The following F13A1 variants were observed in gnomAD, a reference collection of about 807,000 sequenced individuals.
F13A1 encodes the protein coagulation factor XIII A chain, also known as FSF, A subunit.
In F13A1, 47 loss-of-function variants were observed where a neutral mutation model predicts 80.1. The ratio of observed to expected loss-of-function variants is 0.59; its 90% CI spans 0.46 to 0.75. F13A1 has a LOEUF of 0.75. Among genes scored for constraint, F13A1 ranks in the 30% least tolerant of loss-of-function variants. F13A1 has a pLI of 0.00. For missense variants in F13A1, 817 were observed against 930.4 expected (o/e 0.88, Z 1.59); for synonymous variants, 349 against 344.9 (o/e 1.01, Z -0.13).
chr6:6,316,106 T>C (rs1333057679), intron 2 of F13A1, among the ~76,000 whole-genome samples: 705 of 44,284 alleles, frequency 0.016, 81 homozygotes, highest in East Asian at 0.035. Context: ...TATATATATA[T>C]ATATATATAT....
intron 3 of F13A1, among the ~76,000 whole-genome samples, chr6:6,286,739 G>C (rs999174612): frequency 1.3e-5 from 2 of 152,188 alleles, no homozygotes; most frequent in Non-Finnish European, 1.5e-5. Context: ...GACAGGCCGG[G>C]ATGAAAGTAA....
At chr6:6,205,913 C>T (rs886335018) in intron 8 of F13A1, among the ~76,000 whole-genome samples, 18 of 152,156 alleles carry the variant, frequency 1.2e-4, no homozygotes, top group African/African-American at 4.1e-4. Flanking sequence ...CCTTTCTGAG[C>T]ACTTCTGGGT....
At chr6:6,260,516 C>T (rs3901123) in intron 4 of F13A1, among the ~76,000 whole-genome samples, 13,969 of 152,212 alleles carry the variant, frequency 0.092, 862 homozygotes, top group South Asian at 0.26. Context: ...GCGCTGAATC[C>T]TTTGTTATGC....
intron 6 of F13A1, among the ~76,000 whole-genome samples, chr6:6,231,225 G>GA (rs1757348161): frequency 6.6e-6 from 1 of 152,042 alleles, no homozygotes; most frequent in Admixed American, 6.6e-5. Context: ...ATAGCTTAAA[G>GA]AAAAAACAAG....
intron 6 of F13A1, 110 bp downstream of exon 6, chr6:6,248,202 A>C (rs1466378769): frequency 4.4e-6 from 4 of 913,268 alleles, no homozygotes; most frequent in Non-Finnish European, 7.1e-6. Context: ...CTTACAAATG[A>C]AAGTTTATTA....
intron 6 of F13A1, among the ~76,000 whole-genome samples, chr6:6,239,735 A>G (rs1462458286): frequency 6.6e-6 from 1 of 152,172 alleles, no homozygotes; most frequent in African/African-American, 2.4e-5. Flanking sequence ...CTGAGATTTC[A>G]AGGTCTCCAA....
intron 12 of F13A1, 133 bp downstream of exon 12, chr6:6,174,447 C>T (rs1252401344): frequency 1.0e-6 from 1 of 984,750 alleles, no homozygotes; most frequent in African/African-American, 1.6e-5. Flanking sequence ...GTGGGTTCTC[C>T]CTGTGAGGCT....
Position 6,174,560 on chromosome 6 carries a change from C to T in F13A1, c.1747+20G>A, listed in dbSNP as rs888687196. On this transcript the variant is annotated intron_variant, in intron 12 of 14. Coordinates refer to ENST00000264870, the MANE Select transcript of F13A1 (RefSeq NM_000129.4). ...GCCAGACAGCGAGTCTCAGAAAGAACCACACCATTGTTAGCTTACAGGACA... is the reference window on the plus strand; with the variant it reads ...GCCAGACAGCGAGTCTCAGAAAGAATCACACCATTGTTAGCTTACAGGACA... 3.7e-6 allele frequency: 6 copies of T among 1,613,838 alleles called. No homozygotes were observed. Among genetic ancestry groups the T allele is most frequent in the Non-Finnish European group, 5.1e-6 (6 of 1,179,962 alleles).
At chr6:6,236,111 G>A (rs1757410054) in intron 6 of F13A1, among the ~76,000 whole-genome samples, 1 of 152,134 alleles carries the variant, frequency 6.6e-6, no homozygotes. Flanking sequence ...AATGTATAAT[G>A]ACAGAAGGCT....
chr6:6,254,602 A>G (rs183644150), intron 4 of F13A1, among the ~76,000 whole-genome samples: 15 of 152,334 alleles, frequency 9.8e-5, no homozygotes, highest in Non-Finnish European at 1.9e-4. Context: ...AAATGATAGC[A>G]AAGTATCTGT....
At chr6:6,266,941 A>G (rs1757854047) in intron 3 of F13A1, 132 bp from the exon 4 acceptor site, 1 of 1,313,762 alleles carries the variant, frequency 7.6e-7, no homozygotes, top group African/African-American at 1.5e-5. Context: ...AAACATACAA[A>G]TCAGGCAAGT....
chr6:6,167,387 C>G (rs1760694536), intron 13 of F13A1, 71 bp downstream of exon 13: 1 of 1,484,956 alleles, frequency 6.7e-7, no homozygotes, highest in Non-Finnish European at 9.4e-7. Flanking sequence ...CATACAAGCA[C>G]GCATATGCAC....
chr6:6,272,011 T>G (rs1757927993), intron 3 of F13A1, among the ~76,000 whole-genome samples: 1 of 152,222 alleles, frequency 6.6e-6, no homozygotes, highest in African/African-American at 2.4e-5. Context: ...CACAGTTTCT[T>G]GATATTAGTA....
intron 6 of F13A1, among the ~76,000 whole-genome samples, chr6:6,247,668 A>G (rs17141887): frequency 0.046 from 7,016 of 152,256 alleles, 461 homozygotes; most frequent in African/African-American, 0.15. Context: ...CGGCATGAAA[A>G]GTAGAAAATG....
At chr6:6,320,235 T>C (rs760268452) in intron 1 of F13A1, among the ~76,000 whole-genome samples, 36 of 152,186 alleles carry the variant, frequency 2.4e-4, no homozygotes, top group Non-Finnish European at 4.1e-4. Flanking sequence ...TGTTCTCACT[T>C]GGCCCCACTC....
At position 6,260,889 on chromosome 6, in the gene F13A1, G is replaced by C. The variant is rs143002369; in HGVS notation, c.571+5669C>G. 5.8e-3 allele frequency among the ~76,000 whole-genome samples: 890 copies of C among 152,324 alleles called. 11 individuals carry two copies. The highest frequency in any genetic ancestry group is 0.01 in the South Asian group (50 of 4,828). On this transcript the variant is annotated intron_variant, in intron 4 of 14. Transcript: ENST00000264870. ...GAGAGAAGGGGTGGTAAGGGAGAGA[G>C]ACTGGAATTAGGTTCAGGGTAGAGC...
Position 6,148,309 on chromosome 6 carries a change from G to A in F13A1, c.2046-2537C>T, listed in dbSNP as rs192992861. ...TTTCAGAGTAGAGTTGGCTCACTGC[G>A]AGTGAGGGGTGAGACACAGCACCGC... On this transcript the variant is annotated intron_variant, in intron 14 of 14. Transcript: ENST00000264870. 2.0e-4 allele frequency among the ~76,000 whole-genome samples: 31 copies of A among 152,258 alleles called. No individual in the cohort carries two copies. In the East Asian group the frequency reaches 4.8e-3, roughly 24 times the overall value.
In F13A1 at chr6:6,167,489, G is replaced by A; in HGVS notation, c.1877C>T (p.Thr626Ile). The change falls in exon 13 of 15, where the codon ACC becomes ATC. Residue 626 changes from threonine to isoleucine, a missense_variant. By Grantham distance (89) the Thr-to-Ile change is moderately conservative (BLOSUM62 -1). Coordinates refer to ENST00000264870, the MANE Select transcript of F13A1 (RefSeq NM_000129.4). ...GATGATCTCAGGGATGGTTAGCACG[G>A]TGGACTTTTGCTTGGCCAGAACATC... is the stretch of plus-strand genomic sequence containing the variant. ...TRDVLAKQKS[T>I]VLTIPEIIIK... is the part of the protein sequence containing the mutation. The A allele has an allele frequency of 1.2e-6, 2 of 1,614,068 alleles. No individual in the cohort carries two copies. The highest frequency in any genetic ancestry group is 1.7e-6 in the Non-Finnish European group (2 of 1,180,008).
chr6:6,199,006 T>G (rs955872681), intron 8 of F13A1, among the ~76,000 whole-genome samples: 1 of 152,308 alleles, frequency 6.6e-6, no homozygotes, highest in East Asian at 1.9e-4. Flanking sequence ...CATCATGGTT[T>G]GTTTGTGGAA....
Sources: allele counts gnomAD v4.1 joint callset (sites outside exome capture counted in the v4.1 genomes callset), GRCh38; gene constraint gnomAD v4.1.1; transcripts MANE v1.5; gene names NCBI Gene and HGNC (gene_info 2026-07-23, HGNC 2026-07-21).